The following MYO7B variants were observed in gnomAD, a reference collection of about 807,000 sequenced individuals.
The protein encoded by MYO7B is unconventional myosin-VIIb.
A neutral mutation model predicts 259.7 loss-of-function variants in MYO7B; 212 were observed. The ratio of observed to expected loss-of-function variants is 0.82; its 90% CI spans 0.73 to 0.91. The LOEUF is 0.91. Among genes scored for constraint, MYO7B ranks in the 40% least tolerant of loss-of-function variants. MYO7B has a pLI of 0.00. For synonymous variants in MYO7B, 1,197 were observed against 1,166.4 expected (o/e 1.03, Z -0.54); for missense variants, 2,732 against 2,813.5 (o/e 0.97, Z 0.66).
chr2:127,628,318 C>G lies in MYO7B; in HGVS notation c.4461-54C>G. On this transcript the variant is annotated intron_variant, in intron 33 of 47. Coordinates refer to ENST00000409816, the MANE Select transcript of MYO7B (RefSeq NM_001393586.1). The surrounding 1 kb of genome is among the most constrained non-coding windows in gnomAD (Gnocchi z 4.8). Reference sequence around the variant, plus strand: ...CCCACCTCCCGAGGCTGTTTAGGGGCTGGATCAGGGGAAGGTGGAGGGGGC... The same window carrying G: ...CCCACCTCCCGAGGCTGTTTAGGGGGTGGATCAGGGGAAGGTGGAGGGGGC... The G allele has an allele frequency of 6.4e-7, 1 of 1,554,938 alleles. No homozygotes were observed.
rs772197941 is a variant in MYO7B, at chr2:127,580,783, G to A, written c.1041G>A (p.Met347Ile). The stretch of plus-strand genomic sequence containing the variant: ...AGAACCTGGACGCCTCAGACGTGAT[G>A]GAGACGCCCGCCTTTCCCACCGTGA... ...VFENLDASDVMETPAFPTVMK... is the reference protein window; with the variant it reads ...VFENLDASDVIETPAFPTVMK... Residue 347 changes from methionine (M) to isoleucine (I), a missense_variant, in exon 10 of 48, where the codon ATG becomes ATA. Physicochemically the swap from Met to Ile is conservative, Grantham distance 10. Coordinates refer to ENST00000409816, the MANE Select transcript of MYO7B (RefSeq NM_001393586.1). The A allele has an allele frequency of 6.2e-7, 1 of 1,613,570 alleles. No individual in the cohort carries two copies. Among genetic ancestry groups the A allele is most frequent in the Non-Finnish European group, 8.5e-7 (1 of 1,179,760 alleles).
At chr2:127,548,769 C>T (rs958971042) in intron 1 of MYO7B, among the ~76,000 whole-genome samples, 1 of 152,136 alleles carries the variant, frequency 6.6e-6, no homozygotes, top group African/African-American at 2.4e-5. Flanking sequence ...GTACTTGTTT[C>T]ATTGGATTCC....
At position 127,592,828 on chromosome 2, in the gene MYO7B, G is replaced by A. The variant is rs866741397; in HGVS notation, c.2027G>A (p.Arg676Gln). 1.2e-6 allele frequency: 2 copies of A among 1,610,068 alleles called. No homozygotes were observed. The highest frequency in any genetic ancestry group is 1.1e-5 in the South Asian group (1 of 90,460). The change falls in exon 17 of 48, where the codon CGA becomes CAA. Residue 676 changes from arginine (R) to glutamine (Q), a missense_variant. Arg to Gln is a conservative substitution (Grantham distance 43). Coordinates refer to ENST00000409816, the MANE Select transcript of MYO7B (RefSeq NM_001393586.1). ...CGGGAGCTGTGCCTGCGGCAGCTGCGATACTCGGGCATGATGGAGACCGTG... is the reference window on the plus strand; with the variant it reads ...CGGGAGCTGTGCCTGCGGCAGCTGCAATACTCGGGCATGATGGAGACCGTG... ...FDRELCLRQL[R>Q]YSGMMETVHI...
chr2:127,611,393 C>T lies in MYO7B; in HGVS notation c.3193-857C>T, dbSNP rs1019196731. ...AGACTCTGGGAGGCAGTCCAGCCAA[C>T]CAGCACCTCTGAAGGGTGGACATGG... On this transcript the variant is annotated intron_variant, in intron 24 of 47. Coordinates refer to ENST00000409816, the MANE Select transcript of MYO7B (RefSeq NM_001393586.1). The surrounding 1 kb of genome is among the most constrained non-coding windows in gnomAD (Gnocchi z 5.4). 6.6e-6 allele frequency among the ~76,000 whole-genome samples: 1 copy of T among 152,178 alleles called. No individual in the cohort carries two copies.
At chr2:127,616,126 C>T (rs987351874) in intron 26 of MYO7B, among the ~76,000 whole-genome samples, 3 of 152,170 alleles carry the variant, frequency 2.0e-5, no homozygotes, top group South Asian at 2.1e-4. Flanking sequence ...TTAATTACCG[C>T]GGGGTAAAAC....
intron 2 of MYO7B, among the ~76,000 whole-genome samples, chr2:127,563,331 G>A (rs1028470531): frequency 1.3e-5 from 2 of 152,188 alleles, no homozygotes; most frequent in African/African-American, 4.8e-5. Context: ...CAGATGGGGT[G>A]AGCTTTCTTG....
chr2:127,608,625 G>T (rs1165750321), intron 21 of MYO7B, 83 bp from the exon 22 acceptor site: 8 of 1,452,054 alleles, frequency 5.5e-6, no homozygotes, highest in African/African-American at 1.4e-5. Flanking sequence ...CTTCTGGGAG[G>T]TGCTTGCCCT....
intron 7 of MYO7B, among the ~76,000 whole-genome samples, chr2:127,575,055 G>A (rs1478517974): frequency 2.0e-5 from 3 of 152,176 alleles, no homozygotes; most frequent in South Asian, 2.1e-4. Context: ...AGGGGAGAAT[G>A]CCACCAACAG....
chr2:127,571,822 T>A (rs572183022), intron 6 of MYO7B, among the ~76,000 whole-genome samples: 2 of 152,290 alleles, frequency 1.3e-5, no homozygotes, highest in African/African-American at 4.8e-5. Context: ...TGGATACAAG[T>A]CCTTTATAAG....
chr2:127,595,499 G>A (rs1020127404), intron 18 of MYO7B, among the ~76,000 whole-genome samples: 1 of 151,848 alleles, frequency 6.6e-6, no homozygotes, highest in African/African-American at 2.4e-5. Flanking sequence ...GTTTCTTCTT[G>A]TCTTCTGCTA....
chr2:127,569,639 A>T, intron 5 of MYO7B, 150 bp from the exon 6 acceptor site: 1 of 998,984 alleles, frequency 1.0e-6, no homozygotes, highest in Non-Finnish European at 1.4e-6. Flanking sequence ...AGGGGATTTC[A>T]GGGCTTCAGT....
Position 127,559,766 on chromosome 2 carries a change from G to C in MYO7B, c.18+26G>C. The C allele has an allele frequency of 6.2e-7, 1 of 1,613,688 alleles. No individual in the cohort carries two copies. Among genetic ancestry groups the C allele is most frequent in the Non-Finnish European group, 8.5e-7 (1 of 1,179,708 alleles). On this transcript the variant is annotated intron_variant, in intron 2 of 47. Transcript: ENST00000409816. This position sits in a 1 kb window ranked among gnomAD's most constrained non-coding sequence, Gnocchi z 4.1. ...GTAAGAATTGTATGATTTGATCTAG[G>C]GGTTATTGGTGTAAGTTACTCAAGG...
chr2:127,623,056 G>A, intron 28 of MYO7B, 146 bp from the exon 29 acceptor site: 1 of 902,274 alleles, frequency 1.1e-6, no homozygotes, highest in Non-Finnish European at 1.6e-6. Context: ...CCATGGCCTG[G>A]GGCTTCAGAG....
rs1247459499 is a variant in MYO7B, at chr2:127,617,136, C to T, written c.3399-3204C>T. ...ATCTTGACAAGCTCTGAGAAAACCT[C>T]CCAAGTCCTCTGCACATCTCACAGG... is the stretch of plus-strand genomic sequence containing the variant. On this transcript the variant is annotated intron_variant, in intron 26 of 47. Coordinates refer to ENST00000409816, the MANE Select transcript of MYO7B (RefSeq NM_001393586.1). Among the ~76,000 whole-genome samples the T allele has an allele frequency of 4.6e-5, 7 of 152,300 alleles. No individual in the cohort carries two copies. The South Asian group carries it at 1.5e-3, about 32-fold the overall frequency.
chr2:127,636,931 C>G lies in MYO7B; in HGVS notation c.6327+18C>G. The G allele has an allele frequency of 2.5e-6, 4 of 1,609,098 alleles. No homozygotes were observed. The highest frequency in any genetic ancestry group is 3.4e-6 in the Non-Finnish European group (4 of 1,179,824). On this transcript the variant is annotated intron_variant, in intron 47 of 47. Coordinates refer to ENST00000409816, the MANE Select transcript of MYO7B (RefSeq NM_001393586.1). This position sits in a 1 kb window ranked among gnomAD's most constrained non-coding sequence, Gnocchi z 4.5. Reference sequence around the variant, plus strand: ...CCTCCCTGGTGAGCTCAGGTTCTTTCTCCCATCCAAGATGCATAGGACAGA... The same window carrying G: ...CCTCCCTGGTGAGCTCAGGTTCTTTGTCCCATCCAAGATGCATAGGACAGA...
rs771779884 is a variant in MYO7B at position 127,634,200 on chromosome 2, C to T, written c.5536C>T (p.Arg1846Trp). Residue 1846 changes from arginine to tryptophan, a missense_variant, in exon 41 of 48, where the codon CGG becomes TGG. Arg to Trp is a moderately radical substitution (Grantham distance 101, BLOSUM62 -3). This residue lies in a region of MYO7B where 821 missense variants were observed against 769.3 expected (regional missense o/e 1.07). Coordinates refer to ENST00000409816, the MANE Select transcript of MYO7B (RefSeq NM_001393586.1). ...SEMLEVVANT[R>W]VRDVCDSIAT... ...GATGCTGGAGGTGGTTGCCAACACACGGGTGCGGGATGTGTGTGACAGCAT... is the reference window on the plus strand; with the variant it reads ...GATGCTGGAGGTGGTTGCCAACACATGGGTGCGGGATGTGTGTGACAGCAT... 9.8e-5 allele frequency: 158 copies of T among 1,606,680 alleles called. 1 individual carries two copies. Among genetic ancestry groups the T allele is most frequent in the South Asian group, 1.9e-4 (17 of 89,672 alleles).
Position 127,567,683 on chromosome 2 carries a change from A to G in MYO7B, c.470+856A>G, listed in dbSNP as rs1220148919. Among the ~76,000 whole-genome samples, 3 of 152,294 alleles carry G rather than the reference A, an allele frequency of 2.0e-5. No homozygotes were observed. In the East Asian group the frequency reaches 5.8e-4, roughly 29 times the overall value. On this transcript the variant is annotated intron_variant, in intron 5 of 47. Coordinates refer to ENST00000409816, the MANE Select transcript of MYO7B (RefSeq NM_001393586.1). ...GGGGGATTCATTCATTCATTCATTCATTCATTCAATCATTTGAGGTTTTGT... is the reference window on the plus strand; with the variant it reads ...GGGGGATTCATTCATTCATTCATTCGTTCATTCAATCATTTGAGGTTTTGT...
chr2:127,619,566 C>T (rs1401464571), intron 26 of MYO7B, among the ~76,000 whole-genome samples: 2 of 152,068 alleles, frequency 1.3e-5, no homozygotes, highest in African/African-American at 4.8e-5. Flanking sequence ...CATTGCTTCC[C>T]ATCTCTGTTC....
At position 127,584,790 on chromosome 2, in the gene MYO7B, A is replaced by G. The variant is rs763410144; in HGVS notation, c.1567A>G (p.Thr523Ala). 4 of 1,613,890 alleles carry G rather than the reference A, an allele frequency of 2.5e-6. No individual in the cohort carries two copies. The highest frequency in any genetic ancestry group is 3.4e-6 in the Non-Finnish European group (4 of 1,179,840). The change falls in exon 14 of 48, where the codon ACC becomes GCC. Residue 523 changes from threonine to alanine, a missense_variant. Thr to Ala is a moderately conservative substitution (Grantham distance 58). This residue lies in a region of MYO7B where 1,906 missense variants were observed against 2,026.4 expected (regional missense o/e 0.94). Transcript: ENST00000409816. This position sits in a 1 kb window ranked among gnomAD's most constrained non-coding sequence, Gnocchi z 5.8. ...ESRFPQGTDL[T>A]MLQKLNSVHA... ...TGGGTTCTTCCAGGGGACAGATCTCACCATGCTGCAAAAGCTGAACAGCGT... is the reference window on the plus strand; with the variant it reads ...TGGGTTCTTCCAGGGGACAGATCTCGCCATGCTGCAAAAGCTGAACAGCGT...
Sources: gnomAD v4.1 joint callset for allele counts (sites outside exome capture counted in the v4.1 genomes callset) on GRCh38, gnomAD v4.1.1 for gene constraint, gnomAD v4.1.1 regional missense constraint, Gnocchi (gnomAD v3.1) non-coding constraint, MANE v1.5 for transcripts, NCBI Gene and HGNC (gene_info 2026-07-23, HGNC 2026-07-21) for gene names.